GRIP1: variants seen among roughly 807,000 people sequenced by gnomAD.
GRIP1 encodes the protein glutamate receptor interacting protein 1, also known as glutamate receptor-interacting protein 1.
In GRIP1, 45 loss-of-function variants were observed where a neutral mutation model predicts 129.9. The ratio of observed to expected loss-of-function variants is 0.35; its 90% CI spans 0.27 to 0.44. The LOEUF (loss-of-function observed/expected upper bound fraction) is 0.44, where lower values mean the gene tolerates loss of function less well. Among genes scored for constraint, GRIP1 ranks in the 20% least tolerant of loss-of-function variants. The probability of loss-of-function intolerance (pLI) is 1.00; values close to 1 mark genes in which losing one functional copy is unlikely to be tolerated. For missense variants in GRIP1, 1,196 were observed against 1,396.8 expected, an observed-to-expected ratio of 0.86 and a Z score of 2.29; for synonymous variants, 530 against 520.8, an observed-to-expected ratio of 1.02 and a Z score of -0.24.
intron 11 of GRIP1, among the ~76,000 whole-genome samples, chr12:66,449,442 A>G (rs1363121984): frequency 6.6e-6 from 1 of 151,926 alleles, no homozygotes; most frequent in Non-Finnish European, 1.5e-5. Flanking sequence ...TAGGAGGAGT[A>G]AGAAAAAAAA....
intron 6 of GRIP1, among the ~76,000 whole-genome samples, chr12:66,516,860 A>G (rs2060859425): frequency 1.3e-5 from 2 of 152,296 alleles, no homozygotes; most frequent in South Asian, 2.1e-4. Context: ...AGCTAATCAT[A>G]TGAGTTTCAA....
intron 1 of GRIP1, among the ~76,000 whole-genome samples, chr12:66,893,610 T>G (rs2137240700): frequency 6.6e-6 from 1 of 152,318 alleles, no homozygotes; most frequent in East Asian, 1.9e-4. Flanking sequence ...CATTGAGCAC[T>G]GAAAGACATT....
rs1485529804 is a variant in GRIP1, at chr12:66,465,255, G to C, written c.872+20C>G. On this transcript the variant is annotated intron_variant, in intron 8 of 24. Transcript: ENST00000359742. ...GCCACTGCGCCTGGCGGAAAAGTAG[G>C]CACTTTCTACAATACTTACCTGTCT... 6.2e-7 allele frequency: 1 copy of C among 1,609,872 alleles called. No homozygotes were observed. The highest frequency in any genetic ancestry group is 2.2e-5 in the East Asian group (1 of 44,788).
chr12:66,619,004 C>G (rs1321549875), intron 1 of GRIP1, among the ~76,000 whole-genome samples: 3 of 152,084 alleles, frequency 2.0e-5, no homozygotes, highest in Non-Finnish European at 2.9e-5. Context: ...TGAACCGAAG[C>G]AAATACTCAG....
chr12:66,937,926 A>G (rs1373169614), intron 1 of GRIP1, among the ~76,000 whole-genome samples: 1 of 152,240 alleles, frequency 6.6e-6, no homozygotes, highest in Non-Finnish European at 1.5e-5. Context: ...TGTCCAATAT[A>G]GTAACAATTA....
At chr12:66,790,232 A>G (rs181082156) in intron 1 of GRIP1, among the ~76,000 whole-genome samples, 4 of 152,300 alleles carry the variant, frequency 2.6e-5, no homozygotes, top group African/African-American at 4.8e-5. Context: ...CTGGACTCCA[A>G]GCTAATATTT....
chr12:66,831,870 G>A lies in GRIP1; in HGVS notation c.59-234943C>T, dbSNP rs181968801. Reference sequence around the variant, plus strand: ...CTAGACTGCAGTAAAAACTAATTGAGTTACACATGTAAAGTGCTTGGCAAA... The same window carrying A: ...CTAGACTGCAGTAAAAACTAATTGAATTACACATGTAAAGTGCTTGGCAAA... On this transcript the variant is annotated intron_variant, in intron 1 of 1. Coordinates refer to the GRIP1 transcript ENST00000643019. Among the ~76,000 whole-genome samples, 32 of 152,116 alleles carry A rather than the reference G, an allele frequency of 2.1e-4. No homozygotes were observed. The East Asian group carries it at 5.2e-3, about 25-fold the overall frequency.
intron 19 of GRIP1, among the ~76,000 whole-genome samples, chr12:66,386,495 G>A (rs113417721): frequency 0.047 from 7,223 of 152,140 alleles, 444 homozygotes; most frequent in African/African-American, 0.12. Context: ...TTAGCTGGTC[G>A]TGGTGGTGGG....
At chr12:66,484,609 T>C (rs554046356) in intron 7 of GRIP1, among the ~76,000 whole-genome samples, 1 of 152,286 alleles carries the variant, frequency 6.6e-6, no homozygotes, top group African/African-American at 2.4e-5. Flanking sequence ...CTCATTTATA[T>C]GTGGGAGCTA....
Position 66,696,562 on chromosome 12 carries a change from G to A in GRIP1, c.-419-66226C>T, listed in dbSNP as rs376011346. Among the ~76,000 whole-genome samples, 12 of 151,902 alleles carry A rather than the reference G, an allele frequency of 7.9e-5. 1 individual carries two copies. The highest frequency in any genetic ancestry group is 1.4e-4 in the African/African-American group (6 of 41,440). On this transcript the variant is annotated intron_variant, in intron 1 of 4. Coordinates refer to the GRIP1 transcript ENST00000538373. ...AGCACTTTGGGAGGCCGAGGCGGGC[G>A]GATCACAAGGTCAGGAGATCGAGAC...
At chr12:66,894,240 G>A (rs896139662) in intron 1 of GRIP1, among the ~76,000 whole-genome samples, 1 of 152,098 alleles carries the variant, frequency 6.6e-6, no homozygotes, top group African/African-American at 2.4e-5. Flanking sequence ...AAGCCCTAGA[G>A]AGTACACGCA....
At position 66,769,690 on chromosome 12, in the gene GRIP1, GA is replaced by G. The variant is rs527462349; in HGVS notation, c.-420+34362del. 2.7e-3 allele frequency among the ~76,000 whole-genome samples: 405 copies of G among 148,794 alleles called. 2 individuals carry two copies. The highest frequency in any genetic ancestry group is 8.9e-3 in the African/African-American group (361 of 40,648). ...CTGCAAATCCTCTGAATATAGGAGG[GA>G]AAAAAAAAATCTCCCTTTCCAGCAA... On this transcript the variant is annotated intron_variant, in intron 1 of 4. Transcript: ENST00000538373.
chr12:66,579,123 C>T (rs2063267320), intron 2 of GRIP1, among the ~76,000 whole-genome samples: 1 of 152,182 alleles, frequency 6.6e-6, no homozygotes, highest in African/African-American at 2.4e-5. Flanking sequence ...GTTCTGCAGA[C>T]ACCGCTGCTG....
intron 1 of GRIP1, among the ~76,000 whole-genome samples, chr12:66,633,416 G>T (rs1336594581): frequency 6.6e-6 from 1 of 151,518 alleles, no homozygotes; most frequent in Non-Finnish European, 1.5e-5. Flanking sequence ...CTCCCAAAGT[G>T]CTGGGATTAC....
intron 1 of GRIP1, among the ~76,000 whole-genome samples, chr12:67,054,305 G>C (rs1036046956): frequency 6.6e-6 from 1 of 152,154 alleles, no homozygotes; most frequent in African/African-American, 2.4e-5. Flanking sequence ...CACCTACTAT[G>C]AGCCAAGCAC....
chr12:66,468,105 AC>A (rs1431271435), intron 7 of GRIP1, among the ~76,000 whole-genome samples: 2 of 152,238 alleles, frequency 1.3e-5, no homozygotes, highest in African/African-American at 4.8e-5. Flanking sequence ...GTTAAGAACC[AC>A]ATTTCCCAGC....
At chr12:66,858,933 G>A (rs2040053011) in intron 1 of GRIP1, among the ~76,000 whole-genome samples, 1 of 151,808 alleles carries the variant, frequency 6.6e-6, no homozygotes, top group African/African-American at 2.4e-5. Flanking sequence ...ATGTATCAGA[G>A]CTCTTCCGTT....
chr12:66,758,238 A>G (rs2037359540), intron 1 of GRIP1, among the ~76,000 whole-genome samples: 1 of 152,152 alleles, frequency 6.6e-6, no homozygotes, highest in South Asian at 2.1e-4. Flanking sequence ...GGGAGGTAAA[A>G]GGCATTTCTT....
At chr12:66,485,021 T>A (rs965789446) in intron 7 of GRIP1, among the ~76,000 whole-genome samples, 3 of 152,232 alleles carry the variant, frequency 2.0e-5, no homozygotes, top group Admixed American at 2.0e-4. Context: ...AGAATGGGTA[T>A]GCATTTCTGT....
Sources: gnomAD v4.1 joint callset for allele counts (sites outside exome capture counted in the v4.1 genomes callset) on GRCh38, gnomAD v4.1.1 for gene constraint, MANE v1.5 for transcripts, NCBI Gene and HGNC (gene_info 2026-07-23, HGNC 2026-07-21) for gene names.